Variants in BACH2 observed in about 807,000 individuals in gnomAD.
The protein encoded by BACH2 is BACH transcriptional regulator 2, also known as transcription regulator protein BACH2.
A neutral mutation model predicts 61.8 loss-of-function variants in BACH2; 5 were observed. The observed-to-expected ratio is 0.08, with a 90% CI of 0.04 to 0.17. The LOEUF (loss-of-function observed/expected upper bound fraction) is 0.17, where lower values mean the gene tolerates loss of function less well. BACH2 is among the 10% of genes least tolerant of loss of function. The pLI, the probability that BACH2 is intolerant of heterozygous loss-of-function variation, is 1.00. For missense variants in BACH2, 824 were observed against 1,091.1 expected, an observed-to-expected ratio of 0.76 and a Z score of 3.45; for synonymous variants, 446 against 440.1, an observed-to-expected ratio of 1.01 and a Z score of -0.17.
chr6:90,179,170 T>C (rs1391509239), intron 4 of BACH2, among the ~76,000 whole-genome samples: 1 of 152,054 alleles, frequency 6.6e-6, no homozygotes, highest in Non-Finnish European at 1.5e-5. Context: ...GGAAACAATG[T>C]GCATTACAAC....
At chr6:90,056,852 C>T (rs1314796366) in intron 5 of BACH2, among the ~76,000 whole-genome samples, 2 of 152,170 alleles carry the variant, frequency 1.3e-5, no homozygotes, top group Non-Finnish European at 2.9e-5. Flanking sequence ...GGAAACTGAA[C>T]AACCTGCTCC....
At chr6:90,189,016 A>G (rs1768462011) in intron 4 of BACH2, among the ~76,000 whole-genome samples, 1 of 152,216 alleles carries the variant, frequency 6.6e-6, no homozygotes, top group Non-Finnish European at 1.5e-5. Flanking sequence ...AAGAAAACAG[A>G]GCCAAAATGC....
intron 5 of BACH2, among the ~76,000 whole-genome samples, chr6:90,016,583 C>A (rs1175738475): frequency 6.6e-6 from 1 of 152,084 alleles, no homozygotes; most frequent in Non-Finnish European, 1.5e-5. Context: ...CCCTTCCTGG[C>A]CATTGTATTA....
intron 5 of BACH2, among the ~76,000 whole-genome samples, chr6:90,056,770 G>A (rs1034447598): frequency 3.4e-4 from 52 of 152,130 alleles, no homozygotes; most frequent in African/African-American, 1.3e-3. Context: ...ATAACAAACT[G>A]TCTCTCAGAC....
At chr6:89,933,086 G>A (rs1296209075) in intron 8 of BACH2, among the ~76,000 whole-genome samples, 196 bp from the exon 9 acceptor site, 1 of 152,062 alleles carries the variant, frequency 6.6e-6, no homozygotes, top group East Asian at 1.9e-4. Flanking sequence ...CCTTCCATCT[G>A]ATGCCAACAC....
At chr6:90,117,868 G>A (rs929380337) in intron 4 of BACH2, among the ~76,000 whole-genome samples, 4 of 151,780 alleles carry the variant, frequency 2.6e-5, no homozygotes, top group East Asian at 1.9e-4. Context: ...TGTGTTTTTC[G>A]TACCAAGCGA....
chr6:89,950,426 T>C lies in BACH2; in HGVS notation c.1680A>G (p.Glu560=). The change falls in exon 7 of 9, where the codon GAA becomes GAG. Residue 560 remains glutamate (E), a synonymous_variant. Transcript: ENST00000257749. The surrounding 1 kb of genome is among the most constrained non-coding windows in gnomAD (Gnocchi z 5.3). ...CSQGARFLAT[E]HQEPGLMGDG... The stretch of plus-strand genomic sequence containing the variant: ...CTCCCATCAGGCCTGGTTCCTGATG[T>C]TCTGTGGCAAGGAATCTGGCTCCCT... The C allele has an allele frequency of 5.0e-6, 8 of 1,614,066 alleles. No homozygotes were observed. In the South Asian group the frequency reaches 7.7e-5, roughly 16 times the overall value.
intron 7 of BACH2, among the ~76,000 whole-genome samples, chr6:89,947,813 C>G (rs964073001): frequency 6.6e-6 from 1 of 151,952 alleles, no homozygotes; most frequent in Non-Finnish European, 1.5e-5. Context: ...CCTTGTGATT[C>G]GCCCGCCTCG....
chr6:89,972,655 A>G (rs1775431502), intron 6 of BACH2, among the ~76,000 whole-genome samples: 1 of 152,114 alleles, frequency 6.6e-6, no homozygotes, highest in African/African-American at 2.4e-5. Context: ...GCTTTCTTTA[A>G]ATGGACACCT....
chr6:90,293,943 G>A (rs1248430993), intron 1 of BACH2, among the ~76,000 whole-genome samples: 1 of 152,116 alleles, frequency 6.6e-6, no homozygotes, highest in African/African-American at 2.4e-5. Context: ...TAAGTCAAAG[G>A]GCATAATTCA....
chr6:90,016,796 G>A (rs999086055), intron 5 of BACH2, among the ~76,000 whole-genome samples: 1 of 151,924 alleles, frequency 6.6e-6, no homozygotes, highest in African/African-American at 2.4e-5. Context: ...ATAGATTCCA[G>A]GTTGACAGGT....
intron 4 of BACH2, among the ~76,000 whole-genome samples, chr6:90,131,154 G>T (rs1209123016): frequency 6.6e-6 from 1 of 152,134 alleles, no homozygotes; most frequent in Non-Finnish European, 1.5e-5. Context: ...GTTATCAGAG[G>T]CATTTACTAG....
chr6:90,021,443 G>C (rs1216416144), intron 5 of BACH2, among the ~76,000 whole-genome samples: 1 of 152,098 alleles, frequency 6.6e-6, no homozygotes, highest in African/African-American at 2.4e-5. Context: ...TGCCTTGCAG[G>C]TAATGAAAAA....
At chr6:89,994,098 T>C (rs1445499358) in intron 6 of BACH2, among the ~76,000 whole-genome samples, 1 of 152,212 alleles carries the variant, frequency 6.6e-6, no homozygotes, top group Non-Finnish European at 1.5e-5. Context: ...GACATTTATA[T>C]TTGTTTGAAA....
chr6:89,967,801 C>G (rs1582111197), intron 6 of BACH2, among the ~76,000 whole-genome samples: 1 of 152,210 alleles, frequency 6.6e-6, no homozygotes, highest in East Asian at 1.9e-4. Context: ...GAACTCTCCT[C>G]TCTGTTGATG....
chr6:89,998,673 A>T (rs1429506354), intron 6 of BACH2, among the ~76,000 whole-genome samples: 1 of 151,904 alleles, frequency 6.6e-6, no homozygotes, highest in African/African-American at 2.4e-5. Context: ...TTTTAAGAAC[A>T]GCCTTCTTTC....
chr6:90,275,502 ATTTAC>A (rs1771660945), intron 1 of BACH2, among the ~76,000 whole-genome samples: 1 of 152,152 alleles, frequency 6.6e-6, no homozygotes, highest in African/African-American at 2.4e-5. Flanking sequence ...ATATTTTATT[ATTTAC>A]TTAACTTTTA....
chr6:89,951,909 A>G lies in BACH2; in HGVS notation c.244-47T>C. 1 of 1,574,746 alleles carries G rather than the reference A, an allele frequency of 6.4e-7. No individual in the cohort carries two copies. The highest frequency in any genetic ancestry group is 8.6e-7 in the Non-Finnish European group (1 of 1,156,644). ...CGCCAACATTACCATCAGCACTGCT[A>G]TTGTCCCGAATCCCTCAACTGAAGC... is the stretch of plus-strand genomic sequence containing the variant. On this transcript the variant is annotated intron_variant, in intron 6 of 8. Coordinates refer to ENST00000257749, the MANE Select transcript of BACH2 (RefSeq NM_021813.4). The surrounding 1 kb of genome is among the most constrained non-coding windows in gnomAD (Gnocchi z 6.4).
chr6:90,271,358 ACC>A (rs1771511727), intron 2 of BACH2, among the ~76,000 whole-genome samples: 1 of 142,300 alleles, frequency 7.0e-6, no homozygotes. Context: ...GATAAAAACA[ACC>A]CCATTTAAAA....
Sources: gnomAD v4.1 joint callset for allele counts (sites outside exome capture counted in the v4.1 genomes callset) on GRCh38, gnomAD v4.1.1 for gene constraint, Gnocchi (gnomAD v3.1) non-coding constraint, MANE v1.5 for transcripts, NCBI Gene and HGNC (gene_info 2026-07-23, HGNC 2026-07-21) for gene names.